The following RREB1 variants were observed in gnomAD, a reference collection of about 807,000 sequenced individuals.
RREB1 encodes ras-responsive element-binding protein 1.
In RREB1, 27 loss-of-function variants were observed where a neutral mutation model predicts 117.8. The ratio of observed to expected loss-of-function variants is 0.23; its 90% CI spans 0.17 to 0.32. The LOEUF (loss-of-function observed/expected upper bound fraction) is 0.32, where lower values mean the gene tolerates loss of function less well. Ranked by LOEUF, RREB1 falls within the 10% of genes least tolerant of loss-of-function variation. The pLI, the probability that RREB1 is intolerant of heterozygous loss-of-function variation, is 1.00. For missense variants in RREB1, 2,577 were observed against 2,378.2 expected, an observed-to-expected ratio of 1.08 and a Z score of -1.74; for synonymous variants, 1,298 against 1,026.7, an observed-to-expected ratio of 1.26 and a Z score of -5.05.
chr6:7,128,522 C>T (rs765023623), intron 1 of RREB1, among the ~76,000 whole-genome samples: 1 of 152,168 alleles, frequency 6.6e-6, no homozygotes, highest in Non-Finnish European at 1.5e-5. Context: ...TTTTTAAAGA[C>T]AGGAAACTGA....
In RREB1 at chr6:7,246,629, G is replaced by A; in HGVS notation, c.4179G>A (p.Glu1393=). Reference sequence around the variant, plus strand: ...GGGAGAGCCATGAGCCGGAGGAGGAGCATGGCACTGAGGAGAGCACTGGGG... The same window carrying A: ...GGGAGAGCCATGAGCCGGAGGAGGAACATGGCACTGAGGAGAGCACTGGGG... ...GRGESHEPEE[E]HGTEESTGDA... The change falls in exon 12 of 13, where the codon GAG becomes GAA. Residue 1393 remains glutamate, a synonymous_variant. Coordinates refer to ENST00000379938, the MANE Select transcript of RREB1 (RefSeq NM_001003699.4). 2 of 1,569,718 alleles carry A rather than the reference G, an allele frequency of 1.3e-6. No homozygotes were observed. Among genetic ancestry groups the A allele is most frequent in the Non-Finnish European group, 1.7e-6 (2 of 1,157,694 alleles).
intron 9 of RREB1, among the ~76,000 whole-genome samples, chr6:7,228,193 C>T (rs1040998460): frequency 2.0e-5 from 3 of 152,118 alleles, no homozygotes; most frequent in African/African-American, 7.2e-5. Context: ...TACACACACC[C>T]ATGTGTGTGC....
intron 1 of RREB1, among the ~76,000 whole-genome samples, chr6:7,158,229 C>T (rs1198050458): frequency 6.6e-6 from 1 of 152,176 alleles, no homozygotes; most frequent in African/African-American, 2.4e-5. Context: ...GACTCTCTTC[C>T]TTTCTGCCCT....
chr6:7,118,801 ATTTTTTTTTT>A (rs70978942), intron 1 of RREB1, among the ~76,000 whole-genome samples: 3 of 47,056 alleles, frequency 6.4e-5, no homozygotes, highest in Admixed American at 3.5e-4. Context: ...GTTTTTTTTA[ATTTTTTTTTT>A]TTTTTTTTTT....
At chr6:7,119,664 G>A (rs899700235) in intron 1 of RREB1, among the ~76,000 whole-genome samples, 5 of 152,142 alleles carry the variant, frequency 3.3e-5, no homozygotes, top group African/African-American at 7.2e-5. Context: ...GGGATGGTGC[G>A]GTAGATAAGG....
intron 6 of RREB1, among the ~76,000 whole-genome samples, chr6:7,196,153 T>G (rs1485001844): frequency 6.6e-6 from 1 of 151,518 alleles, no homozygotes; most frequent in Admixed American, 6.6e-5. Context: ...AGCCCTCCGG[T>G]GTTGCCTGCT....
chr6:7,152,800 A>T (rs1763183365), intron 1 of RREB1, among the ~76,000 whole-genome samples: 1 of 152,194 alleles, frequency 6.6e-6, no homozygotes, highest in South Asian at 2.1e-4. Context: ...TACACAAAGG[A>T]GTTGTTCCAG....
In RREB1 at chr6:7,229,878, G is replaced by C. The variant is rs1325358290; in HGVS notation, c.1779G>C (p.Lys593Asn). 2.0e-5 allele frequency: 33 copies of C among 1,610,646 alleles called. No homozygotes were observed. Among genetic ancestry groups the C allele is most frequent in the Non-Finnish European group, 2.7e-5 (32 of 1,178,542 alleles). The change falls in exon 10 of 13, where the codon AAG becomes AAC. Residue 593 changes from lysine (K) to asparagine (N), a missense_variant. Transcript: ENST00000379938. The surrounding 1 kb of genome is among the most constrained non-coding windows in gnomAD (Gnocchi z 4.5). ...AGCTGCCGGGCCAGCCTGAGATGAA[G>C]ACGCAGCTGGAGCAGGACAGCATCA... The part of the protein sequence containing the change: ...RAELPGQPEM[K>N]TQLEQDSIIE...
At chr6:7,117,605 C>T (rs780986180) in intron 1 of RREB1, among the ~76,000 whole-genome samples, 1 of 151,804 alleles carries the variant, frequency 6.6e-6, no homozygotes, top group Non-Finnish European at 1.5e-5. Flanking sequence ...GATGGGGTTT[C>T]ACCATGTTGG....
At chr6:7,211,845 A>G in intron 8 of RREB1, 136 bp downstream of exon 8, 1 of 949,424 alleles carries the variant, frequency 1.1e-6, no homozygotes, top group Non-Finnish European at 1.6e-6. Context: ...GCAGTTAAGA[A>G]AGTATCGGTG....
At chr6:7,248,225 T>C (rs1201592952) in intron 12 of RREB1, among the ~76,000 whole-genome samples, 1 of 152,202 alleles carries the variant, frequency 6.6e-6, no homozygotes, top group Non-Finnish European at 1.5e-5. Context: ...AGTCTGCACA[T>C]CTCCTGAGGC....
chr6:7,239,452 C>T (rs922676032), intron 10 of RREB1, among the ~76,000 whole-genome samples: 1 of 152,184 alleles, frequency 6.6e-6, no homozygotes, highest in Non-Finnish European at 1.5e-5. Context: ...CTTTCTTTCT[C>T]CCTCACATGC....
At chr6:7,242,642 T>TTCC (rs56090832) in intron 11 of RREB1, among the ~76,000 whole-genome samples, 1,651 of 134,790 alleles carry the variant, frequency 0.012, 19 homozygotes, top group South Asian at 0.057. Context: ...CATTCTGGGT[T>TTCC]CCCCCCCCCC....
At chr6:7,187,619 A>AG (rs1765156124) in intron 5 of RREB1, 96 bp downstream of exon 5, 2 of 532,024 alleles carry the variant, frequency 3.8e-6, no homozygotes, top group Non-Finnish European at 2.8e-6. Context: ...AAGAGGGGGA[A>AG]GAGTAGAACA....
chr6:7,152,464 C>G (rs931877079), intron 1 of RREB1, among the ~76,000 whole-genome samples: 15 of 152,212 alleles, frequency 9.9e-5, no homozygotes, highest in African/African-American at 3.6e-4. Context: ...TGCTGAATAG[C>G]TATGAAACAT....
rs574069443 is a variant in RREB1 at position 7,127,583 on chromosome 6, A to G, written c.-285+19523A>G. Reference sequence around the variant, plus strand: ...AGGGACTCATTTCTCAAAAATATTGAGGATGGACACTGGGAGCTGAACTGG... The same window carrying G: ...AGGGACTCATTTCTCAAAAATATTGGGGATGGACACTGGGAGCTGAACTGG... On this transcript the variant is annotated intron_variant, in intron 1 of 12. Coordinates refer to ENST00000379938, the MANE Select transcript of RREB1 (RefSeq NM_001003699.4). Among the ~76,000 whole-genome samples the G allele has an allele frequency of 9.0e-4, 137 of 152,290 alleles. 2 individuals are homozygous for G. The highest frequency in any genetic ancestry group is 3.0e-3 in the African/African-American group (126 of 41,568).
chr6:7,149,726 C>T (rs911059900), intron 1 of RREB1, among the ~76,000 whole-genome samples: 2 of 152,172 alleles, frequency 1.3e-5, no homozygotes, highest in East Asian at 1.9e-4. Context: ...TCGCTCTGGT[C>T]GCCTAGGCTG....
intron 1 of RREB1, among the ~76,000 whole-genome samples, chr6:7,150,833 C>T (rs1763088297): frequency 6.6e-6 from 1 of 152,194 alleles, no homozygotes; most frequent in South Asian, 2.1e-4. Context: ...GTTGCAATGG[C>T]GACTGCATTT....
At chr6:7,220,627 G>T (rs1581557730) in intron 8 of RREB1, among the ~76,000 whole-genome samples, 2 of 152,280 alleles carry the variant, frequency 1.3e-5, no homozygotes, top group Admixed American at 1.3e-4. Flanking sequence ...TATCTCTGTT[G>T]CCAGAAAATC....
Sources: allele counts gnomAD v4.1 joint callset (sites outside exome capture counted in the v4.1 genomes callset), GRCh38; gene constraint gnomAD v4.1.1; non-coding constraint Gnocchi (gnomAD v3.1); transcripts MANE v1.5; gene names NCBI Gene and HGNC (gene_info 2026-07-23, HGNC 2026-07-21).